The following SV2C variants were observed in gnomAD, a reference collection of about 807,000 sequenced individuals.
SV2C encodes synaptic vesicle glycoprotein 2C.
SV2C carries 49 observed loss-of-function variants against 79.7 expected under a neutral mutation model. The observed-to-expected ratio is 0.61, with a 90% confidence interval of 0.49 to 0.78. The LOEUF (loss-of-function observed/expected upper bound fraction) is 0.78. SV2C is among the 30% of genes least tolerant of loss of function. The probability of loss-of-function intolerance (pLI) is 0.00; values close to 1 mark genes in which losing one functional copy is unlikely to be tolerated. For synonymous variants in SV2C, 334 were observed against 333.2 expected, an observed-to-expected ratio of 1.00 and a Z score of -0.03; for missense variants, 833 against 912.9, an observed-to-expected ratio of 0.91 and a Z score of 1.13.
intron 4 of SV2C, among the ~76,000 whole-genome samples, chr5:76,233,020 T>C (rs1745477903): frequency 1.4e-5 from 2 of 141,212 alleles, no homozygotes. Flanking sequence ...ATCTGTAAAT[T>C]ACCTTGGGCA....
chr5:76,115,285 T>C (rs1748227925), intron 1 of SV2C, among the ~76,000 whole-genome samples: 5 of 152,248 alleles, frequency 3.3e-5, no homozygotes, highest in Admixed American at 3.3e-4. Context: ...AAGTTTTAAA[T>C]ATGCAAGATA....
chr5:75,928,091 C>T, the SV2C span, among the ~76,000 whole-genome samples: 2 of 152,134 alleles, frequency 1.3e-5, no homozygotes, highest in African/African-American at 4.8e-5. Flanking sequence ...AATTGTGGTA[C>T]AGTATATAAC....
chr5:76,025,618 A>G, the SV2C span, among the ~76,000 whole-genome samples: 1 of 152,164 alleles, frequency 6.6e-6, no homozygotes, highest in Non-Finnish European at 1.5e-5. Context: ...CTATGTATTG[A>G]GATATTGAGC....
At chr5:75,973,003 A>T in the SV2C span, among the ~76,000 whole-genome samples, 1 of 152,140 alleles carries the variant, frequency 6.6e-6, no homozygotes, top group Non-Finnish European at 1.5e-5. Flanking sequence ...AGCTATAAAA[A>T]TGATGAGTTC....
At chr5:76,144,456 C>T (rs1287710150) in intron 2 of SV2C, among the ~76,000 whole-genome samples, 1 of 152,158 alleles carries the variant, frequency 6.6e-6, no homozygotes, top group African/African-American at 2.4e-5. Context: ...TGGTTTAGGG[C>T]TGCTTTTATT....
intron 2 of SV2C, among the ~76,000 whole-genome samples, chr5:76,146,228 CT>C (rs1749415358): frequency 6.6e-6 from 1 of 152,112 alleles, no homozygotes; most frequent in Non-Finnish European, 1.5e-5. Flanking sequence ...ATCCAGACCC[CT>C]AGAGAACGTT....
chr5:76,120,280 ATTTC>A (rs1288723254), intron 1 of SV2C, among the ~76,000 whole-genome samples: 1 of 90,964 alleles, frequency 1.1e-5, no homozygotes, highest in African/African-American at 7.8e-5. Context: ...GTCAAATAAC[ATTTC>A]TTTTTTTTTT....
At chr5:75,965,726 T>C in the SV2C span, among the ~76,000 whole-genome samples, 1 of 152,218 alleles carries the variant, frequency 6.6e-6, no homozygotes. Flanking sequence ...GACAAGTTTA[T>C]TCTAGATTGA....
the SV2C span, among the ~76,000 whole-genome samples, chr5:75,933,396 A>G: frequency 6.6e-6 from 1 of 152,210 alleles, no homozygotes; most frequent in South Asian, 2.1e-4. Context: ...TGTATCAATT[A>G]TATCCTCATC....
chr5:76,182,937 A>G (rs7444263), intron 2 of SV2C, among the ~76,000 whole-genome samples: 14,863 of 75,250 alleles, frequency 0.2, 904 homozygotes, highest in Non-Finnish European at 0.21. Context: ...GTGTGTGTGT[A>G]TGTGAGAGAG....
intron 4 of SV2C, among the ~76,000 whole-genome samples, chr5:76,276,244 T>C (rs570922530): frequency 6.6e-6 from 1 of 152,346 alleles, no homozygotes; most frequent in Admixed American, 6.5e-5. Context: ...TATCTATGTT[T>C]AACCCAGAGA....
chr5:76,314,799 G>A (rs1034858960), intron 12 of SV2C, among the ~76,000 whole-genome samples: 2 of 152,052 alleles, frequency 1.3e-5, no homozygotes, highest in Non-Finnish European at 1.5e-5. Flanking sequence ...AGTAGGTGTG[G>A]GAATCTATTT....
chr5:76,112,007 G>A (rs1478369029), intron 1 of SV2C, among the ~76,000 whole-genome samples: 2 of 152,106 alleles, frequency 1.3e-5, no homozygotes, highest in African/African-American at 4.8e-5. Flanking sequence ...GAGAAGGCCT[G>A]CAAAAAAGTT....
At chr5:75,941,372 A>AG in the SV2C span, among the ~76,000 whole-genome samples, 1 of 152,204 alleles carries the variant, frequency 6.6e-6, no homozygotes, top group African/African-American at 2.4e-5. Flanking sequence ...GTTACTTTAA[A>AG]CATCTTCTAT....
At chr5:76,334,926 A>T (rs1165411195), downstream of SV2C, among the ~76,000 whole-genome samples, 2 of 152,202 alleles carry the variant, frequency 1.3e-5, no homozygotes, top group East Asian at 3.9e-4. Context: ...GCAAGGAAAA[A>T]GGCAGGTAAC....
chr5:75,983,614 A>C, the SV2C span, among the ~76,000 whole-genome samples: 13 of 146,536 alleles, frequency 8.9e-5, no homozygotes, highest in Admixed American at 6.8e-5. Context: ...AAAAAAAAAA[A>C]GATGTTTTGG....
At chr5:76,350,434 T>C (rs1298896464) in intron 12 of SV2C, among the ~76,000 whole-genome samples, 1 of 152,220 alleles carries the variant, frequency 6.6e-6, no homozygotes, top group Non-Finnish European at 1.5e-5. Context: ...GACATGCCTG[T>C]TGAGACTCTA....
At chr5:76,241,484 T>C (rs1433453648) in intron 4 of SV2C, among the ~76,000 whole-genome samples, 1 of 152,194 alleles carries the variant, frequency 6.6e-6, no homozygotes, top group African/African-American at 2.4e-5. Context: ...TAAATGAAAA[T>C]GGCAGAATTT....
chr5:75,978,761 A>T, the SV2C span, among the ~76,000 whole-genome samples: 1 of 152,208 alleles, frequency 6.6e-6, no homozygotes, highest in Non-Finnish European at 1.5e-5. Context: ...AGATATTTCA[A>T]GTAAAGAGGG....
Sources: gnomAD v4.1 joint callset for allele counts (sites outside exome capture counted in the v4.1 genomes callset) on GRCh38, gnomAD v4.1.1 for gene constraint, MANE v1.5 for transcripts, NCBI Gene and HGNC (gene_info 2026-07-23, HGNC 2026-07-21) for gene names.